The following AOPEP variants were observed in gnomAD, a reference collection of about 807,000 sequenced individuals.
AOPEP encodes the protein aminopeptidase O.
AOPEP carries 77 observed loss-of-function variants against 98.1 expected under a neutral mutation model. The ratio of observed to expected loss-of-function variants is 0.78; its 90% CI spans 0.65 to 0.95. The LOEUF is 0.95. Among genes scored for constraint, AOPEP ranks in the 40% least tolerant of loss-of-function variants. The pLI, the probability that AOPEP is intolerant of heterozygous loss-of-function variation, is 0.00. For synonymous variants in AOPEP, 346 were observed against 365.3 expected, an observed-to-expected ratio of 0.95 and a Z score of 0.60; for missense variants, 1,024 against 1,024.7, an observed-to-expected ratio of 1.00 and a Z score of 0.01.
At chr9:94,867,939 G>T (rs931898923) in intron 5 of AOPEP, among the ~76,000 whole-genome samples, 1 of 152,162 alleles carries the variant, frequency 6.6e-6, no homozygotes, top group Non-Finnish European at 1.5e-5. Context: ...AAAATGAGAG[G>T]CCGGACAGAG....
intron 10 of AOPEP, among the ~76,000 whole-genome samples, chr9:94,971,706 A>G (rs1199997869): frequency 6.6e-6 from 1 of 152,194 alleles, no homozygotes; most frequent in Non-Finnish European, 1.5e-5. Flanking sequence ...GATTTACTCA[A>G]CATTCTCTAT....
chr9:94,830,874 C>T (rs557186524), intron 5 of AOPEP, among the ~76,000 whole-genome samples: 1 of 152,254 alleles, frequency 6.6e-6, no homozygotes, highest in Admixed American at 6.5e-5. Context: ...TGTTCATGTC[C>T]TTCACCCACT....
chr9:94,939,925 G>A (rs1002767969), intron 7 of AOPEP, among the ~76,000 whole-genome samples: 9 of 152,186 alleles, frequency 5.9e-5, no homozygotes, highest in African/African-American at 1.9e-4. Context: ...TTGAATCCAA[G>A]CATGGAGAAC....
intron 5 of AOPEP, among the ~76,000 whole-genome samples, chr9:94,911,055 C>T (rs1181032542): frequency 6.6e-6 from 1 of 152,130 alleles, no homozygotes; most frequent in Non-Finnish European, 1.5e-5. Context: ...TACTTGAGCT[C>T]ACTTTAGAAA....
At chr9:94,900,905 TGCTTTC>T (rs2050306202) in intron 5 of AOPEP, 1 of 152,220 alleles carries the variant, frequency 6.6e-6, no homozygotes, top group Non-Finnish European at 1.5e-5. Flanking sequence ...GTAAGTTGAA[TGCTTTC>T]CAAGGGCCCA....
the AOPEP span, chr9:95,135,381 TCAGA>T: frequency 6.2e-7 from 1 of 1,614,148 alleles, no homozygotes; most frequent in Non-Finnish European, 8.5e-7. Flanking sequence ...TCGATCCTTC[TCAGA>T]CAATTTCTCT....
chr9:94,805,328 A>ATCT (rs1849025959), intron 5 of AOPEP, among the ~76,000 whole-genome samples: 1 of 152,200 alleles, frequency 6.6e-6, no homozygotes. Context: ...CCCTTTGTAG[A>ATCT]GAAGGGAGAA....
At chr9:94,918,361 A>T (rs116740678) in intron 5 of AOPEP, among the ~76,000 whole-genome samples, 1,779 of 152,248 alleles carry the variant, frequency 0.012, 34 homozygotes, top group African/African-American at 0.041. Flanking sequence ...AGTTCTGGCT[A>T]TGATGTAGAT....
intron 1 of AOPEP, among the ~76,000 whole-genome samples, chr9:94,752,652 ATAAACT>A (rs1836091610): frequency 2.0e-5 from 3 of 152,374 alleles, no homozygotes; most frequent in South Asian, 4.1e-4. Context: ...ATTACTAAAG[ATAAACT>A]TAAGTAAAAA....
At chr9:94,960,475 T>G (rs992450273) in intron 9 of AOPEP, among the ~76,000 whole-genome samples, 5 of 152,134 alleles carry the variant, frequency 3.3e-5, no homozygotes, top group Non-Finnish European at 2.9e-5. Flanking sequence ...CCCTTAATTC[T>G]AAATTTTTCT....
chr9:94,777,649 T>TGG (rs1564115871), intron 3 of AOPEP, among the ~76,000 whole-genome samples: 1 of 137,460 alleles, frequency 7.3e-6, no homozygotes, highest in African/African-American at 2.7e-5. Context: ...TTTTTTTTTT[T>TGG]TTGAGACAGT....
intron 5 of AOPEP, among the ~76,000 whole-genome samples, chr9:94,868,867 A>G (rs1165160653): frequency 6.6e-6 from 1 of 152,054 alleles, no homozygotes; most frequent in African/African-American, 2.4e-5. Flanking sequence ...TGCTTGCCAT[A>G]TTTTAAAACT....
At chr9:95,105,216 G>A in the AOPEP span, among the ~76,000 whole-genome samples, 1 of 152,168 alleles carries the variant, frequency 6.6e-6, no homozygotes, top group Non-Finnish European at 1.5e-5. Flanking sequence ...TACCAGGATG[G>A]AGACAATCTC....
At chr9:94,899,915 C>G (rs931332516) in intron 5 of AOPEP, among the ~76,000 whole-genome samples, 4 of 152,210 alleles carry the variant, frequency 2.6e-5, no homozygotes, top group African/African-American at 9.7e-5. Context: ...TGAGTTAAAT[C>G]TAGCCCCAAG....
intron 13 of AOPEP, among the ~76,000 whole-genome samples, chr9:95,057,687 C>A (rs1337789767): frequency 6.6e-6 from 1 of 152,206 alleles, no homozygotes; most frequent in Admixed American, 6.5e-5. Flanking sequence ...TTGTCTGTGT[C>A]CCAAAATAAC....
At chr9:94,862,003 T>C (rs544149181) in intron 5 of AOPEP, among the ~76,000 whole-genome samples, 42 of 152,334 alleles carry the variant, frequency 2.8e-4, no homozygotes, top group African/African-American at 9.9e-4. Flanking sequence ...ACTAGGAAAG[T>C]TGCTTCATCC....
intron 2 of AOPEP, among the ~76,000 whole-genome samples, chr9:94,766,833 T>C (rs938597493): frequency 2.0e-5 from 3 of 152,236 alleles, no homozygotes; most frequent in African/African-American, 7.2e-5. Flanking sequence ...TTTTTTTGTT[T>C]GTTTGTTTTA....
intron 5 of AOPEP, among the ~76,000 whole-genome samples, chr9:94,844,864 TG>T (rs1274134253): frequency 3.3e-5 from 5 of 152,140 alleles, no homozygotes; most frequent in African/African-American, 1.2e-4. Context: ...TGGGATGGTA[TG>T]GTACCTGTGA....
intron 1 of AOPEP, among the ~76,000 whole-genome samples, chr9:94,758,057 A>G (rs1252549930): frequency 1.3e-5 from 2 of 152,196 alleles, no homozygotes; most frequent in Admixed American, 1.3e-4. Context: ...CTTCTATTGC[A>G]CTGAAAGTGT....
Sources: allele counts gnomAD v4.1 joint callset (sites outside exome capture counted in the v4.1 genomes callset), GRCh38; gene constraint gnomAD v4.1.1; transcripts MANE v1.5; gene names NCBI Gene and HGNC (gene_info 2026-07-23, HGNC 2026-07-21).